Variants in LRIG3 observed in about 807,000 individuals in gnomAD.
The protein encoded by LRIG3 is leucine rich repeats and immunoglobulin like domains 3, also known as leucine-rich repeats and immunoglobulin-like domains protein 3.
LRIG3 carries 76 observed loss-of-function variants against 114.5 expected under a neutral mutation model. That is an observed-to-expected ratio of 0.66 (90% CI 0.55 to 0.80). LRIG3 has a LOEUF of 0.80. LRIG3 is among the 30% of genes least tolerant of loss of function. The probability of loss-of-function intolerance (pLI) is 0.00; values close to 1 mark genes in which losing one functional copy is unlikely to be tolerated. For missense variants in LRIG3, 1,239 were observed against 1,382.8 expected, an observed-to-expected ratio of 0.90 and a Z score of 1.65; for synonymous variants, 512 against 519.8, an observed-to-expected ratio of 0.98 and a Z score of 0.20.
intron 4 of LRIG3, 88 bp downstream of exon 4, chr12:58,890,577 A>G (rs1486484094): frequency 1.5e-6 from 2 of 1,299,114 alleles, no homozygotes; most frequent in African/African-American, 3.0e-5. Flanking sequence ...CATCAGTAGT[A>G]AAGTAGACAA....
rs372886135 is a variant in LRIG3 at position 58,919,288 on chromosome 12, C to T, written c.236+712G>A. 546 of 1,130,598 alleles carry T rather than the reference C, an allele frequency of 4.8e-4. 9 individuals carry two copies. In the South Asian group the frequency reaches 9.3e-3, roughly 19 times the overall value. The allele number at this position is 1,130,598 out of a possible 1,614,324, so 70.0% of individuals were successfully genotyped here. A position where few individuals can be genotyped will look rare whatever the true frequency, so the allele number is the denominator to read the frequency against. ...AAAAATCCAAAAACTTGCATAAGAG[C>T]TCCCTGCGCTCTCCCCTAAACCGTC... On this transcript the variant is annotated intron_variant, in intron 1 of 18. Transcript: ENST00000320743.
At chr12:58,887,275 A>T (rs1355428911) in intron 8 of LRIG3, among the ~76,000 whole-genome samples, 1 of 152,234 alleles carries the variant, frequency 6.6e-6, no homozygotes, top group Admixed American at 6.5e-5. Context: ...AATAGCGAAC[A>T]GAGCAAAAGT....
chr12:58,890,560 T>G, intron 4 of LRIG3, 105 bp downstream of exon 4: 1 of 1,090,008 alleles, frequency 9.2e-7, no homozygotes, highest in Non-Finnish European at 1.3e-6. Flanking sequence ...AAATTATACT[T>G]TCAATCCATC....
intron 3 of LRIG3, among the ~76,000 whole-genome samples, chr12:58,909,563 T>C (rs1872194456): frequency 6.6e-6 from 1 of 152,256 alleles, no homozygotes; most frequent in Non-Finnish European, 1.5e-5. Flanking sequence ...ACTCAAAACA[T>C]TGTAGTTGAA....
chr12:58,877,588 C>A lies in LRIG3; in HGVS notation c.2348G>T (p.Ser783Ile), dbSNP rs1429190602. 3 of 1,614,222 alleles carry A rather than the reference C, an allele frequency of 1.9e-6. 1 individual carries two copies. In the South Asian group the frequency reaches 3.3e-5, roughly 18 times the overall value. Residue 783 changes from serine (S) to isoleucine (I), a missense_variant, in exon 15 of 19, where the codon AGT becomes ATT. Physicochemically the swap from Ser to Ile is moderately radical, Grantham distance 142. Coordinates refer to ENST00000320743, the MANE Select transcript of LRIG3 (RefSeq NM_153377.5). ...LGTERGNVRL[S>I]VIPTPTCDSP... ...GTCGCAGGTTGGAGTGGGGATCACA[C>A]TGAGGCGCACGTTTCCTCTCTCAGT... is the stretch of plus-strand genomic sequence containing the variant.
chr12:58,880,463 A>G, intron 13 of LRIG3, 118 bp downstream of exon 13: 1 of 985,028 alleles, frequency 1.0e-6, no homozygotes, highest in East Asian at 2.6e-5. Context: ...AGGGAAAGGA[A>G]GAGTCAGGTG....
At chr12:58,872,857 T>C (rs1489993494) in intron 18 of LRIG3, 41 bp from the exon 19 acceptor site, 2 of 1,583,992 alleles carry the variant, frequency 1.3e-6, no homozygotes, top group East Asian at 4.5e-5. Flanking sequence ...GTCCCTTTGC[T>C]AGCATGTGAA....
intron 3 of LRIG3, among the ~76,000 whole-genome samples, chr12:58,903,638 C>A (rs1348413164): frequency 1.3e-5 from 2 of 151,842 alleles, no homozygotes. Context: ...GAAGTCCTTG[C>A]CCATGCCTAT....
intron 8 of LRIG3, 71 bp downstream of exon 8, chr12:58,887,718 T>C (rs1020473308): frequency 7.2e-6 from 11 of 1,528,450 alleles, no homozygotes; most frequent in Non-Finnish European, 9.8e-6. Flanking sequence ...AAAGGAAATC[T>C]GCTAGGAGAA....
In LRIG3 at chr12:58,915,358, C is replaced by A. The variant is rs1386685831; in HGVS notation, c.237-1022G>T. Among the ~76,000 whole-genome samples the A allele has an allele frequency of 2.0e-5, 3 of 152,040 alleles. No individual in the cohort carries two copies. In the East Asian group the frequency reaches 5.8e-4, roughly 29 times the overall value. Reference sequence around the variant, plus strand: ...GTTTAAAACGGAGTTTTTTAAATAACCAAAGTTGATTGGAGAAAAGCATGA... The same window carrying A: ...GTTTAAAACGGAGTTTTTTAAATAAACAAAGTTGATTGGAGAAAAGCATGA... On this transcript the variant is annotated intron_variant, in intron 1 of 18. Coordinates refer to ENST00000320743, the MANE Select transcript of LRIG3 (RefSeq NM_153377.5).
chr12:58,891,277 C>T (rs985077998), intron 3 of LRIG3, among the ~76,000 whole-genome samples: 1 of 151,978 alleles, frequency 6.6e-6, no homozygotes, highest in Non-Finnish European at 1.5e-5. Context: ...CCTCATCTCG[C>T]TAATTTTTTT....
chr12:58,881,478 T>C (rs2120887816), intron 12 of LRIG3, among the ~76,000 whole-genome samples: 1 of 150,540 alleles, frequency 6.6e-6, no homozygotes, highest in South Asian at 2.1e-4. Flanking sequence ...AAACAAACTG[T>C]AAGACACTGG....
At chr12:58,907,467 C>T (rs1231176950) in intron 3 of LRIG3, among the ~76,000 whole-genome samples, 1 of 152,164 alleles carries the variant, frequency 6.6e-6, no homozygotes, top group Non-Finnish European at 1.5e-5. Flanking sequence ...TTTCTAAATC[C>T]TGCATTCCTC....
rs60512826 is a variant in LRIG3 at position 58,872,755 on chromosome 12, T to C, written c.3177A>G (p.Pro1059=). ...HLDAYSSFGQ[P]SDCQPRAFYL... is the part of the protein sequence containing the mutation. Reference sequence around the variant, plus strand: ...AAAAGGCTCTTGGCTGACAATCTGATGGCTGTCCAAAGCTTGAATAGGCAT... The same window carrying C: ...AAAAGGCTCTTGGCTGACAATCTGACGGCTGTCCAAAGCTTGAATAGGCAT... The change falls in exon 19 of 19, where the codon CCA becomes CCG. Residue 1059 remains proline, a synonymous_variant. Coordinates refer to ENST00000320743, the MANE Select transcript of LRIG3 (RefSeq NM_153377.5). The C allele has an allele frequency of 9.9e-4, 1,596 of 1,614,128 alleles. 17 individuals carry two copies. In the African/African-American group the frequency reaches 0.017, roughly 17 times the overall value.
At chr12:58,890,868 T>C (rs1871435056) in intron 3 of LRIG3, 72 bp from the exon 4 acceptor site, 4 of 1,459,458 alleles carry the variant, frequency 2.7e-6, no homozygotes, top group African/African-American at 2.9e-5. Flanking sequence ...ATATTTTCTA[T>C]TCCTGACTGG....
At chr12:58,906,758 C>A (rs1872082547) in intron 3 of LRIG3, among the ~76,000 whole-genome samples, 1 of 152,086 alleles carries the variant, frequency 6.6e-6, no homozygotes, top group African/African-American at 2.4e-5. Context: ...CACTGAACAG[C>A]TCCAGGGGTC....
intron 3 of LRIG3, among the ~76,000 whole-genome samples, chr12:58,896,783 T>A (rs1052935929): frequency 2.0e-5 from 3 of 152,200 alleles, no homozygotes; most frequent in Non-Finnish European, 4.4e-5. Context: ...GGTCATTCCA[T>A]ACAAACAACC....
rs772484699 is a variant in LRIG3, at chr12:58,888,860, A to C, written c.762T>G (p.Leu254=). Residue 254 remains leucine (L), a synonymous_variant, in exon 6 of 19, where the codon CTT becomes CTG. Transcript: ENST00000320743. ...TCAGCCCCCAAAAAGCTCCATCCAT[A>C]AGTTTCGTTACTCCATTTCTTTGCA... ...LKMQRNGVTK[L]MDGAFWGLSN... 1.9e-6 allele frequency: 3 copies of C among 1,613,812 alleles called. No individual in the cohort carries two copies. Among genetic ancestry groups the C allele is most frequent in the Non-Finnish European group, 2.5e-6 (3 of 1,179,824 alleles).
chr12:58,912,139 C>T (rs935292220), intron 3 of LRIG3, among the ~76,000 whole-genome samples: 1 of 152,170 alleles, frequency 6.6e-6, no homozygotes, highest in African/African-American at 2.4e-5. Flanking sequence ...TTTAAAGGAG[C>T]ACAAATTTCT....
Sources: allele counts gnomAD v4.1 joint callset (sites outside exome capture counted in the v4.1 genomes callset), GRCh38; gene constraint gnomAD v4.1.1; transcripts MANE v1.5; gene names NCBI Gene and HGNC (gene_info 2026-07-23, HGNC 2026-07-21).